TSGA10: variants seen among roughly 807,000 people sequenced by gnomAD.
TSGA10 encodes the protein testis specific 10, also known as testis-specific gene 10 protein.
A neutral mutation model predicts 96.6 loss-of-function variants in TSGA10; 43 were observed. The observed-to-expected ratio is 0.44, with a 90% CI of 0.35 to 0.57. The LOEUF (loss-of-function observed/expected upper bound fraction) is 0.57. TSGA10 is among the 20% of genes least tolerant of loss of function. The probability of loss-of-function intolerance (pLI) is 0.01; values close to 1 mark genes in which losing one functional copy is unlikely to be tolerated. For synonymous variants in TSGA10, 229 were observed against 269.9 expected, an observed-to-expected ratio of 0.85 and a Z score of 1.48; for missense variants, 703 against 834.4, an observed-to-expected ratio of 0.84 and a Z score of 1.94.
At chr2:99,131,127 T>C (rs2105026238) in intron 1 of TSGA10, among the ~76,000 whole-genome samples, 1 of 152,324 alleles carries the variant, frequency 6.6e-6, no homozygotes, top group South Asian at 2.1e-4. Flanking sequence ...GGGTCTTTTT[T>C]GGTTCCATGT....
At chr2:99,071,957 A>G in intron 13 of TSGA10, 83 bp from the exon 14 acceptor site, 1 of 1,233,686 alleles carries the variant, frequency 8.1e-7, no homozygotes, top group South Asian at 1.5e-5. Flanking sequence ...GAAGATGGAC[A>G]GTTAGTATGA....
At chr2:99,143,461 T>C (rs2093599151) in intron 1 of TSGA10, among the ~76,000 whole-genome samples, 2 of 150,194 alleles carry the variant, frequency 1.3e-5, no homozygotes, top group Admixed American at 1.3e-4. Context: ...GCCCAGACTT[T>C]TTTTTTTTTT....
At chr2:99,023,024 AGTTTTTT>A (rs1381245873) in intron 17 of TSGA10, among the ~76,000 whole-genome samples, 1 of 152,002 alleles carries the variant, frequency 6.6e-6, no homozygotes, top group Non-Finnish European at 1.5e-5. Context: ...TGGGTTATTA[AGTTTTTT>A]GTTTTTTGAG....
At position 99,108,981 on chromosome 2, in the gene TSGA10, C is replaced by A. The variant is rs1345698075; in HGVS notation, c.62G>T (p.Cys21Phe). The change falls in exon 7 of 21, where the codon TGT (cysteine) becomes TTT (phenylalanine). Residue 21 changes from cysteine to phenylalanine, a missense_variant. Transcript: ENST00000393483. ...TGTTGTCTTCAAAAGTTCTACATCA[C>A]AGTTTGCACCCTATAATTATATAAG... ...RPSPTARGAN[C>F]DVELLKTTTR... The A allele has an allele frequency of 6.4e-7, 1 of 1,571,236 alleles. No homozygotes were observed. The highest frequency in any genetic ancestry group is 8.6e-7 in the Non-Finnish European group (1 of 1,165,970).
chr2:99,083,624 T>C (rs915628392), intron 10 of TSGA10, among the ~76,000 whole-genome samples: 4 of 152,202 alleles, frequency 2.6e-5, no homozygotes, highest in Non-Finnish European at 5.9e-5. Flanking sequence ...ATTCATACTA[T>C]GGAATGTTAC....
intron 20 of TSGA10, among the ~76,000 whole-genome samples, chr2:99,009,811 T>C (rs959461065): frequency 5.9e-5 from 9 of 152,282 alleles, no homozygotes; most frequent in Non-Finnish European, 1.0e-4. Context: ...GTTTTGTTTA[T>C]ATTTTTAAAT....
At chr2:99,090,105 C>T (rs145263540) in intron 10 of TSGA10, among the ~76,000 whole-genome samples, 40 of 152,290 alleles carry the variant, frequency 2.6e-4, no homozygotes, top group African/African-American at 9.4e-4. Flanking sequence ...ACAAACACCC[C>T]CCAGTACCAG....
intron 1 of TSGA10, among the ~76,000 whole-genome samples, chr2:99,150,310 A>G (rs1001272569): frequency 6.6e-6 from 1 of 152,234 alleles, no homozygotes; most frequent in African/African-American, 2.4e-5. Flanking sequence ...ACTTTCAAAT[A>G]AATCTTTAGA....
intron 16 of TSGA10, among the ~76,000 whole-genome samples, chr2:99,059,853 G>T (rs2084476261): frequency 6.7e-6 from 1 of 148,846 alleles, no homozygotes; most frequent in Non-Finnish European, 1.5e-5. Flanking sequence ...GGCGAAGGCT[G>T]CAGTGAGCCA....
chr2:99,153,749 G>A (rs1309465323), intron 1 of TSGA10, among the ~76,000 whole-genome samples: 3 of 152,184 alleles, frequency 2.0e-5, no homozygotes, highest in African/African-American at 7.2e-5. Context: ...CTTACTCAGA[G>A]TGACCTTGGT....
At chr2:99,084,806 C>T (rs1294639636) in intron 10 of TSGA10, among the ~76,000 whole-genome samples, 1 of 151,912 alleles carries the variant, frequency 6.6e-6, no homozygotes, top group African/African-American at 2.4e-5. Context: ...TATTGTTAGT[C>T]ACCCAAGAGC....
intron 16 of TSGA10, among the ~76,000 whole-genome samples, chr2:99,041,272 C>T (rs909219511): frequency 6.6e-6 from 1 of 152,090 alleles, no homozygotes; most frequent in African/African-American, 2.4e-5. Context: ...CAATGGGCAC[C>T]CTTTCTGCAG....
At chr2:99,030,283 G>C (rs1455883197) in intron 17 of TSGA10, among the ~76,000 whole-genome samples, 2 of 152,092 alleles carry the variant, frequency 1.3e-5, no homozygotes, top group African/African-American at 4.8e-5. Context: ...GGAGGTGGAG[G>C]TTGCAGTGAG....
intron 14 of TSGA10, 100 bp downstream of exon 14, chr2:99,071,606 C>A: frequency 9.0e-7 from 1 of 1,108,924 alleles, no homozygotes; most frequent in South Asian, 1.7e-5. Context: ...AAGGCTAGTT[C>A]CAGTGTCTGA....
Position 99,118,580 on chromosome 2 carries a change from G to A in TSGA10, c.-385C>T, listed in dbSNP as rs2092406311. On this transcript the variant is annotated 5_prime_UTR_variant, in exon 3 of 21. Coordinates refer to ENST00000393483, the MANE Select transcript of TSGA10 (RefSeq NM_025244.4). ...CTAAGCTAAATATCAAATCAATCAA[G>A]TATTTGCTGCCTAATGTGGAGGAAC... 2 of 983,038 alleles carry A rather than the reference G, an allele frequency of 2.0e-6. No individual in the cohort carries two copies. The highest frequency in any genetic ancestry group is 1.1e-4 in the East Asian group (1 of 8,798). The allele number at this position is 983,038 out of a possible 1,614,324, so 60.9% of individuals were successfully genotyped here. A position where few individuals can be genotyped will look rare whatever the true frequency, so the allele number is the denominator to read the frequency against.
intron 16 of TSGA10, among the ~76,000 whole-genome samples, chr2:99,043,567 G>C (rs2082423185): frequency 6.6e-6 from 1 of 152,096 alleles, no homozygotes; most frequent in African/African-American, 2.4e-5. Context: ...AAAGCTAAGA[G>C]ATCTACAATC....
chr2:99,005,022 A>T (rs1462078961), intron 20 of TSGA10, among the ~76,000 whole-genome samples: 1 of 152,238 alleles, frequency 6.6e-6, no homozygotes, highest in African/African-American at 2.4e-5. Flanking sequence ...CAGCATATAA[A>T]CAGAACCAAA....
rs76199641 is a variant in TSGA10, at chr2:99,022,671, T to C, written c.1615-2189A>G. ...ATAAAAATTTGTATACAAGTTTTTGTATGGACATGTTTTCATTCCTCTTGA... is the reference window on the plus strand; with the variant it reads ...ATAAAAATTTGTATACAAGTTTTTGCATGGACATGTTTTCATTCCTCTTGA... On this transcript the variant is annotated intron_variant, in intron 17 of 20. Transcript: ENST00000393483. Among the ~76,000 whole-genome samples, 419 of 152,354 alleles carry C rather than the reference T, an allele frequency of 2.8e-3. 2 individuals are homozygous for C. Among genetic ancestry groups the C allele is most frequent in the African/African-American group, 9.5e-3 (393 of 41,580 alleles).
chr2:98,999,837 C>T (rs1181712246), intron 20 of TSGA10, among the ~76,000 whole-genome samples: 1 of 152,174 alleles, frequency 6.6e-6, no homozygotes, highest in Non-Finnish European at 1.5e-5. Context: ...AAGCCATGAC[C>T]TTCCAGGCTC....
Sources: allele counts gnomAD v4.1 joint callset (sites outside exome capture counted in the v4.1 genomes callset), GRCh38; gene constraint gnomAD v4.1.1; transcripts MANE v1.5; gene names NCBI Gene and HGNC (gene_info 2026-07-23, HGNC 2026-07-21).